The following TP63 variants were observed in gnomAD, a reference collection of about 807,000 sequenced individuals.
TP63 encodes tumor protein p63.
A neutral mutation model predicts 82.8 loss-of-function variants in TP63; 17 were observed. The ratio of observed to expected loss-of-function variants is 0.21; its 90% CI spans 0.14 to 0.31. TP63 has a LOEUF of 0.31. Ranked by LOEUF, TP63 falls within the 10% of genes least tolerant of loss-of-function variation. TP63 has a pLI of 1.00. For synonymous variants in TP63, 330 were observed against 321.7 expected, an observed-to-expected ratio of 1.03 and a Z score of -0.28; for missense variants, 648 against 895.3, an observed-to-expected ratio of 0.72 and a Z score of 3.52.
intron 1 of TP63, among the ~76,000 whole-genome samples, chr3:189,654,765 G>A (rs569435529): frequency 6.6e-6 from 1 of 152,310 alleles, no homozygotes; most frequent in East Asian, 1.9e-4. Context: ...ATTTTTGTGT[G>A]TGCTGAGTTT....
At chr3:189,749,271 A>C (rs1231290737) in intron 3 of TP63, among the ~76,000 whole-genome samples, 2 of 152,206 alleles carry the variant, frequency 1.3e-5, no homozygotes, top group African/African-American at 2.4e-5. Context: ...ATGGAAGAAA[A>C]TATTTGAAAT....
At chr3:189,707,620 T>A (rs1242660860) in intron 1 of TP63, among the ~76,000 whole-genome samples, 1 of 152,178 alleles carries the variant, frequency 6.6e-6, no homozygotes, top group East Asian at 1.9e-4. Context: ...AAAACCTTCC[T>A]GAGCAGAATG....
At chr3:189,808,866 C>T (rs1727225600) in intron 4 of TP63, among the ~76,000 whole-genome samples, 1 of 152,120 alleles carries the variant, frequency 6.6e-6, no homozygotes, top group African/African-American at 2.4e-5. Flanking sequence ...TTTACAGTCT[C>T]CAGAACGTGA....
chr3:189,675,296 G>C (rs1366288796), intron 1 of TP63, among the ~76,000 whole-genome samples: 2 of 151,956 alleles, frequency 1.3e-5, no homozygotes, highest in Non-Finnish European at 2.9e-5. Flanking sequence ...AATTTGAGGA[G>C]ATACAAACAT....
At chr3:189,611,358 A>G in the TP63 span, among the ~76,000 whole-genome samples, 1 of 152,204 alleles carries the variant, frequency 6.6e-6, no homozygotes, top group South Asian at 2.1e-4. Flanking sequence ...AATATTCTCC[A>G]TATGGCTAGC....
rs536362330 is a variant in TP63, at chr3:189,847,832, T to C, written c.580-16400T>C. The stretch of plus-strand genomic sequence containing the variant: ...AAACCTCAACTCTTAGACAAACTTC[T>C]TTGCTTAACTAAAAATAAGTATATA... On this transcript the variant is annotated intron_variant, in intron 4 of 13. Transcript: ENST00000264731. Among the ~76,000 whole-genome samples, 15 of 152,348 alleles carry C rather than the reference T, an allele frequency of 9.8e-5. No individual in the cohort carries two copies. In the South Asian group the frequency reaches 1.7e-3, roughly 17 times the overall value.
intron 1 of TP63, among the ~76,000 whole-genome samples, chr3:189,651,809 C>T (rs952969630): frequency 2.0e-5 from 3 of 146,840 alleles, no homozygotes; most frequent in Non-Finnish European, 3.0e-5. Context: ...TGGTGCTCTG[C>T]GTCCCAGATG....
intron 4 of TP63, among the ~76,000 whole-genome samples, chr3:189,830,358 A>C (rs1044663157): frequency 6.6e-6 from 1 of 152,166 alleles, no homozygotes; most frequent in Admixed American, 6.5e-5. Context: ...TCTGATTTTC[A>C]TGGCAAGGGA....
intron 1 of TP63, among the ~76,000 whole-genome samples, chr3:189,666,943 T>A (rs1382059094): frequency 6.7e-6 from 1 of 149,994 alleles, no homozygotes; most frequent in Non-Finnish European, 1.5e-5. Flanking sequence ...TGTGACCATA[T>A]ATAAACACAC....
intron 1 of TP63, among the ~76,000 whole-genome samples, chr3:189,722,038 T>G (rs62279900): frequency 3.3e-5 from 5 of 151,956 alleles, no homozygotes; most frequent in Non-Finnish European, 7.4e-5. Flanking sequence ...GGAGAGATCT[T>G]ACTGAGGATG....
chr3:189,605,665 G>A, the TP63 span, among the ~76,000 whole-genome samples: 1 of 152,170 alleles, frequency 6.6e-6, no homozygotes, highest in Middle Eastern at 3.4e-3. Flanking sequence ...TCTATTTCTG[G>A]TAAAATGATG....
intron 4 of TP63, among the ~76,000 whole-genome samples, chr3:189,813,160 T>G (rs1727761256): frequency 6.6e-6 from 1 of 152,204 alleles, no homozygotes; most frequent in Non-Finnish European, 1.5e-5. Flanking sequence ...AATGCCTTTT[T>G]GTATTCTTTG....
intron 1 of TP63, among the ~76,000 whole-genome samples, chr3:189,688,773 G>T (rs114942966): frequency 9.1e-4 from 139 of 152,306 alleles, no homozygotes; most frequent in African/African-American, 3.2e-3. Context: ...TGCTGAAGAG[G>T]TCCTGGCAGG....
At chr3:189,634,573 T>C (rs1381322880) in intron 1 of TP63, among the ~76,000 whole-genome samples, 9 of 152,062 alleles carry the variant, frequency 5.9e-5, no homozygotes, top group African/African-American at 2.2e-4. Flanking sequence ...CAAAAACTTT[T>C]CTGAAAACCA....
chr3:189,887,251 A>C (rs1720547385), intron 11 of TP63, among the ~76,000 whole-genome samples: 1 of 151,564 alleles, frequency 6.6e-6, no homozygotes, highest in South Asian at 2.1e-4. Flanking sequence ...TATCGTCTGG[A>C]CTCTATGAAA....
chr3:189,667,905 T>C (rs908083549), intron 1 of TP63, among the ~76,000 whole-genome samples: 12 of 152,050 alleles, frequency 7.9e-5, no homozygotes, highest in African/African-American at 2.4e-5. Flanking sequence ...AATAAATAGG[T>C]GTGGCCATGT....
chr3:189,606,122 A>G, the TP63 span, among the ~76,000 whole-genome samples: 1 of 152,240 alleles, frequency 6.6e-6, no homozygotes, highest in Admixed American at 6.5e-5. Context: ...ATTGCTATTC[A>G]TAATTTACAA....
At chr3:189,818,721 A>G (rs1728463421) in intron 4 of TP63, among the ~76,000 whole-genome samples, 1 of 151,972 alleles carries the variant, frequency 6.6e-6, no homozygotes, top group African/African-American at 2.4e-5. Flanking sequence ...TGCTTGTAAG[A>G]AAAAAAACTG....
At chr3:189,644,064 C>T (rs1453919413) in intron 1 of TP63, among the ~76,000 whole-genome samples, 4 of 152,188 alleles carry the variant, frequency 2.6e-5, no homozygotes, top group Non-Finnish European at 4.4e-5. Flanking sequence ...TGTTGTCTTA[C>T]AGTCCCTCTG....
Sources: allele counts gnomAD v4.1 joint callset (sites outside exome capture counted in the v4.1 genomes callset), GRCh38; gene constraint gnomAD v4.1.1; transcripts MANE v1.5; gene names NCBI Gene and HGNC (gene_info 2026-07-23, HGNC 2026-07-21).